SSBP2: variants seen among roughly 807,000 people sequenced by gnomAD.
SSBP2 encodes the protein single stranded DNA binding protein 2.
Under a neutral mutation model 61.8 loss-of-function variants are expected in SSBP2, and 17 were observed. That is an observed-to-expected ratio of 0.28 (90% CI 0.19 to 0.41). SSBP2 has a LOEUF of 0.41. Among genes scored for constraint, SSBP2 ranks in the 10% least tolerant of loss-of-function variants. The probability of loss-of-function intolerance (pLI) is 1.00; values close to 1 mark genes in which losing one functional copy is unlikely to be tolerated. For synonymous variants in SSBP2, 139 were observed against 141.3 expected (o/e 0.98, Z 0.12); for missense variants, 310 against 458.7 (o/e 0.68, Z 2.96).
chr5:81,591,590 T>C (rs578015726), intron 4 of SSBP2, among the ~76,000 whole-genome samples: 1 of 151,646 alleles, frequency 6.6e-6, no homozygotes, highest in South Asian at 2.1e-4. Context: ...ACAGAAACTG[T>C]GAGAGAAAAT....
At chr5:81,602,763 T>C (rs1360334072) in intron 4 of SSBP2, among the ~76,000 whole-genome samples, 2 of 152,332 alleles carry the variant, frequency 1.3e-5, no homozygotes, top group Admixed American at 6.5e-5. Context: ...TTAGATATTC[T>C]GCCTGGTAAT....
intron 6 of SSBP2, among the ~76,000 whole-genome samples, chr5:81,488,034 T>TC (rs1561459190): frequency 5.9e-5 from 1 of 16,874 alleles, no homozygotes; most frequent in Non-Finnish European, 1.1e-4. Context: ...TATATATATA[T>TC]ATATATATAT....
intron 4 of SSBP2, among the ~76,000 whole-genome samples, chr5:81,595,471 A>T (rs1261205209): frequency 1.3e-5 from 2 of 152,182 alleles, no homozygotes; most frequent in African/African-American, 4.8e-5. Flanking sequence ...AAAAAAGGGA[A>T]TCCTCCCTAA....
chr5:81,479,074 A>G (rs940170935), intron 6 of SSBP2, among the ~76,000 whole-genome samples: 1 of 152,218 alleles, frequency 6.6e-6, no homozygotes, highest in African/African-American at 2.4e-5. Context: ...GTCTTTTAGA[A>G]TAAGTCAAGT....
At chr5:81,502,592 C>T (rs552435005) in intron 5 of SSBP2, among the ~76,000 whole-genome samples, 1 of 152,214 alleles carries the variant, frequency 6.6e-6, no homozygotes, top group East Asian at 1.9e-4. Context: ...TACTCAAAAC[C>T]TCTTGCATGT....
rs115100940 is a variant in SSBP2, at chr5:81,658,638, G to A, written c.63-8299C>T. On this transcript the variant is annotated intron_variant, in intron 1 of 16. Transcript: ENST00000320672. ...AATCCACAGATACTAACGGCTGACT[G>A]TATAAGTGAGATTATATAGTATTTG... Among the ~76,000 whole-genome samples the A allele has an allele frequency of 4.6e-3, 698 of 152,156 alleles. 1 individual carries two copies. The highest frequency in any genetic ancestry group is 0.017 in the Middle Eastern group (5 of 294).
chr5:81,457,955 C>T (rs1354677363), intron 10 of SSBP2, among the ~76,000 whole-genome samples: 2 of 152,142 alleles, frequency 1.3e-5, no homozygotes, highest in Non-Finnish European at 2.9e-5. Context: ...AGCCACTGCA[C>T]CCGGCCAAAA....
intron 1 of SSBP2, among the ~76,000 whole-genome samples, chr5:81,684,713 G>A (rs1280772620): frequency 6.6e-6 from 1 of 152,272 alleles, no homozygotes; most frequent in East Asian, 1.9e-4. Context: ...CTGCATCTTG[G>A]AGTAACTAAC....
At chr5:81,544,535 A>C (rs1771580746) in intron 4 of SSBP2, among the ~76,000 whole-genome samples, 1 of 152,230 alleles carries the variant, frequency 6.6e-6, no homozygotes, top group African/African-American at 2.4e-5. Flanking sequence ...GAAATAGTAC[A>C]ACTCATTTTG....
At chr5:81,547,766 C>T (rs186359240) in intron 4 of SSBP2, among the ~76,000 whole-genome samples, 2 of 152,288 alleles carry the variant, frequency 1.3e-5, no homozygotes, top group East Asian at 3.9e-4. Context: ...AGCCACTGTG[C>T]CCAGCTTAGA....
Position 81,525,972 on chromosome 5 carries a change from T to C in SSBP2, c.283-12255A>G, listed in dbSNP as rs551137267. Reference sequence around the variant, plus strand: ...GAGGTAGAGCTTTGCATCAATAGCATGAATCATTGTAATTTTAGTTTGTGT... The same window carrying C: ...GAGGTAGAGCTTTGCATCAATAGCACGAATCATTGTAATTTTAGTTTGTGT... On this transcript the variant is annotated intron_variant, in intron 4 of 16. Transcript: ENST00000320672. Among the ~76,000 whole-genome samples, 315 of 152,182 alleles carry C rather than the reference T, an allele frequency of 2.1e-3. 2 individuals are homozygous for C. Among genetic ancestry groups the C allele is most frequent in the African/African-American group, 7.3e-3 (304 of 41,560 alleles).
At chr5:81,712,071 T>C (rs531198240) in intron 1 of SSBP2, among the ~76,000 whole-genome samples, 1 of 151,474 alleles carries the variant, frequency 6.6e-6, no homozygotes, top group South Asian at 2.1e-4. Flanking sequence ...TTACCTATTG[T>C]AGCTATTATT....
At chr5:81,726,827 C>A (rs1465136723) in intron 1 of SSBP2, among the ~76,000 whole-genome samples, 1 of 152,136 alleles carries the variant, frequency 6.6e-6, no homozygotes, top group Non-Finnish European at 1.5e-5. Context: ...CTACACGGTC[C>A]AGTATGCAGA....
intron 4 of SSBP2, among the ~76,000 whole-genome samples, chr5:81,559,449 G>C (rs1772870458): frequency 6.6e-6 from 1 of 151,722 alleles, no homozygotes; most frequent in Non-Finnish European, 1.5e-5. Flanking sequence ...CAGCTATTTG[G>C]GAGGCTGAGG....
rs1298304536 is a variant in SSBP2, at chr5:81,417,449, C to T, written c.*3055G>A. The T allele has an allele frequency of 6.6e-6, 1 of 152,132 alleles. No homozygotes were observed. Among genetic ancestry groups the T allele is most frequent in the East Asian group, 1.9e-4 (1 of 5,204 alleles). The allele number at this position is 152,132 out of a possible 1,614,324, so 9.4% of individuals were successfully genotyped here. On this transcript the variant is annotated 3_prime_UTR_variant, in exon 17 of 17. Coordinates refer to ENST00000320672, the MANE Select transcript of SSBP2 (RefSeq NM_012446.5). ...GTAACAAGATTTTACCTACTGCTTA[C>T]TTTTTCATTTTACATGTGTATTTAA...
intron 4 of SSBP2, among the ~76,000 whole-genome samples, chr5:81,524,006 A>G (rs76065575): frequency 0.015 from 2,347 of 152,154 alleles, 52 homozygotes; most frequent in African/African-American, 0.053. Context: ...TTTCCAATAA[A>G]TGATTTAATT....
chr5:81,511,289 C>G (rs1261919170), intron 5 of SSBP2, among the ~76,000 whole-genome samples: 1 of 152,142 alleles, frequency 6.6e-6, no homozygotes. Flanking sequence ...GGCCTCTTCT[C>G]TCATTCATCA....
At chr5:81,691,069 G>A (rs1398155288) in intron 1 of SSBP2, among the ~76,000 whole-genome samples, 1 of 151,976 alleles carries the variant, frequency 6.6e-6, no homozygotes, top group Non-Finnish European at 1.5e-5. Context: ...TACAGCGAAA[G>A]CCATTCTAAG....
intron 8 of SSBP2, among the ~76,000 whole-genome samples, chr5:81,469,801 C>G (rs934141647): frequency 6.6e-6 from 1 of 151,930 alleles, no homozygotes; most frequent in African/African-American, 2.4e-5. Context: ...AACTTGCTTT[C>G]CAAGTGCTAG....
Sources: allele counts gnomAD v4.1 joint callset (sites outside exome capture counted in the v4.1 genomes callset), GRCh38; gene constraint gnomAD v4.1.1; transcripts MANE v1.5; gene names NCBI Gene and HGNC (gene_info 2026-07-23, HGNC 2026-07-21).